Variants in LARP1 observed in about 807,000 individuals in gnomAD.
LARP1 encodes the protein la-related protein 1.
In LARP1, 36 loss-of-function variants were observed where a neutral mutation model predicts 122.7. The observed-to-expected ratio is 0.29, with a 90% CI of 0.22 to 0.39. The LOEUF (loss-of-function observed/expected upper bound fraction) is 0.39, where lower values mean the gene tolerates loss of function less well. Among genes scored for constraint, LARP1 ranks in the 10% least tolerant of loss-of-function variants. LARP1 has a pLI of 1.00. For missense variants in LARP1, 1,040 were observed against 1,403.6 expected (o/e 0.74, Z 4.14); for synonymous variants, 539 against 528.7 (o/e 1.02, Z -0.27).
chr5:154,805,012 A>G, intron 14 of LARP1: 1 of 430,228 alleles, frequency 2.3e-6, no homozygotes, highest in Non-Finnish European at 4.7e-6. Context: ...CAGAAGCCTT[A>G]CCAATAACAT....
At chr5:154,709,598 A>ATT (rs60062105), upstream of LARP1, among the ~76,000 whole-genome samples, 114 of 81,356 alleles carry the variant, frequency 1.4e-3, 4 homozygotes, top group African/African-American at 2.0e-3. Context: ...CTCCAGTGAG[A>ATT]TTTTTTTTTT....
intron 16 of LARP1, 143 bp from the exon 17 acceptor site, chr5:154,811,104 C>T (rs1759236132): frequency 4.8e-6 from 3 of 619,004 alleles, no homozygotes; most frequent in Admixed American, 5.8e-5. Context: ...CTTAGACTAG[C>T]ATTCTAAAAG....
chr5:154,713,196 C>T, intron 1 of LARP1: 1 of 1,388,060 alleles, frequency 7.2e-7, no homozygotes, highest in Admixed American at 2.0e-5. Flanking sequence ...AGATCCTTCT[C>T]CCTAGGGGCA....
chr5:154,760,763 T>C (rs1754386380), intron 1 of LARP1, among the ~76,000 whole-genome samples: 1 of 152,236 alleles, frequency 6.6e-6, no homozygotes. Flanking sequence ...AGACACACTA[T>C]TTCCAATAAA....
At chr5:154,700,621 T>C (rs2113244602) in intron 1 of LARP1, among the ~76,000 whole-genome samples, 1 of 152,212 alleles carries the variant, frequency 6.6e-6, no homozygotes, top group South Asian at 2.1e-4. Context: ...TCTTGCTCTA[T>C]CACCTTTGTT....
At position 154,806,044 on chromosome 5, in the gene LARP1, G is replaced by A; in HGVS notation, c.2698+12G>A. On this transcript the variant is annotated intron_variant, in intron 15 of 18. Coordinates refer to ENST00000518297, the MANE Select transcript of LARP1 (RefSeq NM_033551.3). ...GCGCTGCCTTAATGGTAAGAAGTGT[G>A]GGGGGCAGGAGATGAGCCTCTGGGC... is the stretch of plus-strand genomic sequence containing the variant. The A allele has an allele frequency of 6.2e-7, 1 of 1,613,052 alleles. No homozygotes were observed. Among genetic ancestry groups the A allele is most frequent in the Non-Finnish European group, 8.5e-7 (1 of 1,179,470 alleles).
intron 18 of LARP1, among the ~76,000 whole-genome samples, 170 bp downstream of exon 18, chr5:154,811,810 A>G (rs1759299434): frequency 6.6e-6 from 1 of 152,118 alleles, no homozygotes; most frequent in African/African-American, 2.4e-5. Flanking sequence ...TGAGTGGCCA[A>G]TGAAGGCTAG....
intron 1 of LARP1, chr5:154,756,660 G>T (rs777537296): frequency 7.9e-6 from 2 of 253,540 alleles, no homozygotes; most frequent in African/African-American, 2.3e-5. Context: ...GCAACCCAGT[G>T]CCCGGCGCGG....
At chr5:154,800,781 A>T (rs150214276) in intron 10 of LARP1, among the ~76,000 whole-genome samples, 1 of 152,246 alleles carries the variant, frequency 6.6e-6, no homozygotes, top group African/African-American at 2.4e-5. Flanking sequence ...ATTGACCTTG[A>T]ACTTTGGGTC....
intron 1 of LARP1, among the ~76,000 whole-genome samples, chr5:154,695,207 CGGGAGGCTGAGGCAGAATGGCGTGAACCT>C (rs751367936): frequency 2.6e-5 from 4 of 151,606 alleles, no homozygotes; most frequent in Non-Finnish European, 5.9e-5. Context: ...CCCAGCTACT[CGGGAGGCTGAGGCAGAATGGCGTGAACCT>C]GGGAGGCGGA....
At chr5:154,789,343 C>G (rs1227554203) in intron 1 of LARP1, among the ~76,000 whole-genome samples, 1 of 151,242 alleles carries the variant, frequency 6.6e-6, no homozygotes, top group African/African-American at 2.4e-5. Context: ...CCTCAGCCTC[C>G]CAAGTAGCTG....
At chr5:154,756,420 G>T (rs1753907234) in intron 1 of LARP1, 3 of 994,680 alleles carry the variant, frequency 3.0e-6, no homozygotes, top group Non-Finnish European at 3.6e-6. Context: ...TACGGCCACC[G>T]CCTGGGCCGC....
At chr5:154,714,400 A>G (rs558675688) in intron 1 of LARP1, among the ~76,000 whole-genome samples, 4 of 152,342 alleles carry the variant, frequency 2.6e-5, no homozygotes, top group South Asian at 4.1e-4. Flanking sequence ...GAAATGTACA[A>G]TCATATAAAC....
chr5:154,795,113 G>A (rs529174574), intron 7 of LARP1, 62 bp from the exon 8 acceptor site: 1 of 1,509,138 alleles, frequency 6.6e-7, no homozygotes, highest in Admixed American at 1.7e-5. Context: ...GAACAAGGAA[G>A]GCATACTCAT....
chr5:154,763,646 A>C (rs1437821964), intron 1 of LARP1, among the ~76,000 whole-genome samples: 1 of 151,728 alleles, frequency 6.6e-6, no homozygotes, highest in African/African-American at 2.4e-5. Flanking sequence ...CCCTGTCTCT[A>C]AAAAGTAAAT....
upstream of LARP1, among the ~76,000 whole-genome samples, chr5:154,751,571 C>G (rs369413672): frequency 6.7e-4 from 102 of 152,322 alleles, no homozygotes; most frequent in African/African-American, 2.3e-3. Context: ...TCATTACTGA[C>G]TATTTGGTCA....
At chr5:154,797,523 G>A (rs1483927060) in intron 8 of LARP1, among the ~76,000 whole-genome samples, 3 of 151,934 alleles carry the variant, frequency 2.0e-5, no homozygotes, top group Non-Finnish European at 2.9e-5. Flanking sequence ...ATGAGCTACC[G>A]CGCCCGGCCT....
Position 154,755,724 on chromosome 5 carries a change from C to G in LARP1, c.-34C>G, listed in dbSNP as rs919997005. 1.1e-5 allele frequency: 11 copies of G among 987,606 alleles called. No individual in the cohort carries two copies. Among genetic ancestry groups the G allele is most frequent in the Non-Finnish European group, 1.3e-5 (11 of 830,394 alleles). 61.2% of individuals were successfully genotyped at this position (987,606 alleles called of 1,614,324 possible). A position where few individuals can be genotyped will look rare whatever the true frequency, so the allele number is the denominator to read the frequency against. ...TCGAGGCGGGGGAGGCAGCCTCGGG[C>G]GCGCCCGGCTTCTCCGGGGGGGCGG... On this transcript the variant is annotated 5_prime_UTR_variant, in exon 1 of 19. Transcript: ENST00000518297.
At chr5:154,686,073 G>A (rs867846851) in intron 1 of LARP1, among the ~76,000 whole-genome samples, 2 of 152,196 alleles carry the variant, frequency 1.3e-5, no homozygotes. Flanking sequence ...CTGCATCAAG[G>A]CAAAGACATA....
Sources: gnomAD v4.1 joint callset for allele counts (sites outside exome capture counted in the v4.1 genomes callset) on GRCh38, gnomAD v4.1.1 for gene constraint, MANE v1.5 for transcripts, NCBI Gene and HGNC (gene_info 2026-07-23, HGNC 2026-07-21) for gene names.